The following RGS6 variants were observed in gnomAD, a reference collection of about 807,000 sequenced individuals.
RGS6 encodes regulator of G protein signaling 6, also known as regulator of G-protein signaling 6.
In RGS6, 30 loss-of-function variants were observed where a neutral mutation model predicts 78.5. The ratio of observed to expected loss-of-function variants is 0.38; its 90% confidence interval spans 0.29 to 0.52. The LOEUF (loss-of-function observed/expected upper bound fraction) is 0.52, where lower values mean the gene tolerates loss of function less well. Ranked by LOEUF, RGS6 falls within the 20% of genes least tolerant of loss-of-function variation. The pLI is 0.85. For missense variants in RGS6, 495 were observed against 609.7 expected (o/e 0.81, Z 1.98); for synonymous variants, 206 against 206.0 (o/e 1.00, Z 0.00).
chr14:72,190,156 A>C (rs531395641), intron 2 of RGS6, among the ~76,000 whole-genome samples: 1 of 152,112 alleles, frequency 6.6e-6, no homozygotes, highest in Non-Finnish European at 1.5e-5. Flanking sequence ...TCTCTGGGCT[A>C]CCCGGGCCTT....
intron 2 of RGS6, chr14:71,990,393 T>C: frequency 2.9e-6 from 1 of 343,182 alleles, no homozygotes; most frequent in African/African-American, 2.2e-5. Flanking sequence ...GCAAAATTCA[T>C]GTGTTCTGCT....
intron 1 of RGS6, among the ~76,000 whole-genome samples, chr14:71,942,219 C>T (rs1159807048): frequency 6.6e-6 from 1 of 152,080 alleles, no homozygotes; most frequent in Non-Finnish European, 1.5e-5. Context: ...GAACATTAAA[C>T]CTAATGAGTT....
At chr14:72,208,272 A>G (rs990197682) in intron 2 of RGS6, among the ~76,000 whole-genome samples, 1 of 152,236 alleles carries the variant, frequency 6.6e-6, no homozygotes, top group East Asian at 1.9e-4. Context: ...ATGGAAGCCC[A>G]TCAGAGCATG....
intron 2 of RGS6, among the ~76,000 whole-genome samples, chr14:72,209,945 C>T (rs774480285): frequency 3.7e-4 from 57 of 152,102 alleles, no homozygotes; most frequent in Non-Finnish European, 7.8e-4. Flanking sequence ...GTTTTATCTG[C>T]GTAATGGTCT....
At chr14:72,397,680 G>A (rs547863034) in intron 3 of RGS6, among the ~76,000 whole-genome samples, 1 of 152,328 alleles carries the variant, frequency 6.6e-6, no homozygotes, top group Admixed American at 6.5e-5. Context: ...GATATTGGCT[G>A]TGGGTTTGTC....
At chr14:72,386,934 A>G (rs2088277661) in intron 3 of RGS6, among the ~76,000 whole-genome samples, 1 of 152,176 alleles carries the variant, frequency 6.6e-6, no homozygotes, top group Non-Finnish European at 1.5e-5. Flanking sequence ...GAAGAGAATT[A>G]GCTGTGAAAG....
At chr14:72,278,586 A>G (rs2061069588) in intron 2 of RGS6, among the ~76,000 whole-genome samples, 1 of 152,226 alleles carries the variant, frequency 6.6e-6, no homozygotes, top group Non-Finnish European at 1.5e-5. Context: ...GTGGGTTTAT[A>G]TAGCCACGTA....
intron 2 of RGS6, among the ~76,000 whole-genome samples, chr14:72,276,750 G>A (rs1307376861): frequency 6.6e-6 from 1 of 151,980 alleles, no homozygotes; most frequent in Admixed American, 6.6e-5. Context: ...CACCATGATT[G>A]TCAGGCCTCC....
chr14:72,531,535 A>C (rs1270760274), intron 15 of RGS6, among the ~76,000 whole-genome samples: 1 of 152,138 alleles, frequency 6.6e-6, no homozygotes, highest in East Asian at 1.9e-4. Context: ...TGCTTTTGTA[A>C]ATATGAGGGT....
At chr14:72,327,453 A>G (rs1001237772) in intron 2 of RGS6, among the ~76,000 whole-genome samples, 3 of 152,224 alleles carry the variant, frequency 2.0e-5, no homozygotes, top group Non-Finnish European at 4.4e-5. Context: ...ACAACTTAAT[A>G]AGGTGCATTA....
intron 2 of RGS6, among the ~76,000 whole-genome samples, chr14:72,018,223 T>C (rs1329639729): frequency 6.6e-6 from 1 of 152,106 alleles, no homozygotes; most frequent in Non-Finnish European, 1.5e-5. Context: ...AAAATCATGA[T>C]TGAATGTTGA....
intron 16 of RGS6, chr14:72,537,560 C>T (rs911077333): frequency 3.8e-5 from 27 of 702,222 alleles, no homozygotes; most frequent in East Asian, 2.7e-4. Context: ...GGCCTCCTGT[C>T]GATTCCCCTG....
chr14:72,266,035 G>A (rs898016891), intron 2 of RGS6, among the ~76,000 whole-genome samples: 2 of 151,910 alleles, frequency 1.3e-5, no homozygotes, highest in Non-Finnish European at 2.9e-5. Context: ...CAAATCTAAC[G>A]GCTTAACACA....
chr14:71,955,257 G>A (rs1323376748), intron 1 of RGS6, among the ~76,000 whole-genome samples: 1 of 152,138 alleles, frequency 6.6e-6, no homozygotes, highest in Non-Finnish European at 1.5e-5. Context: ...TGGTGGTAGG[G>A]CATATGTGAG....
chr14:72,519,302 T>G (rs78580740), intron 15 of RGS6, among the ~76,000 whole-genome samples: 7,124 of 152,212 alleles, frequency 0.047, 560 homozygotes, highest in African/African-American at 0.16. Flanking sequence ...TTGGGTTGGT[T>G]TCTTACTTCC....
At chr14:72,543,528 T>G (rs2097353660) in intron 17 of RGS6, among the ~76,000 whole-genome samples, 1 of 152,234 alleles carries the variant, frequency 6.6e-6, no homozygotes. Flanking sequence ...CTAGTCACTG[T>G]GGGTTGCCTT....
At chr14:72,404,407 C>T (rs571974488) in intron 3 of RGS6, among the ~76,000 whole-genome samples, 1 of 152,270 alleles carries the variant, frequency 6.6e-6, no homozygotes, top group African/African-American at 2.4e-5. Context: ...CCCAATGTCC[C>T]ATCTGCCTTG....
At chr14:71,999,337 T>C (rs1170086302) in intron 2 of RGS6, among the ~76,000 whole-genome samples, 3 of 152,216 alleles carry the variant, frequency 2.0e-5, no homozygotes, top group African/African-American at 7.2e-5. Context: ...AGATAAAATA[T>C]GTACTTTGTT....
At chr14:72,351,158 T>C (rs1018365003) in intron 2 of RGS6, among the ~76,000 whole-genome samples, 3 of 152,156 alleles carry the variant, frequency 2.0e-5, no homozygotes, top group Non-Finnish European at 4.4e-5. Context: ...TTCAAAGATA[T>C]TTCTATTGGT....
Sources: allele counts gnomAD v4.1 joint callset (sites outside exome capture counted in the v4.1 genomes callset), GRCh38; gene constraint gnomAD v4.1.1; transcripts MANE v1.5; gene names NCBI Gene and HGNC (gene_info 2026-07-23, HGNC 2026-07-21).